CDC42BPA: variants seen among roughly 807,000 people sequenced by gnomAD.
The protein encoded by CDC42BPA is serine/threonine-protein kinase MRCK alpha.
Under a neutral mutation model 223.5 loss-of-function variants are expected in CDC42BPA, and 80 were observed. The ratio of observed to expected loss-of-function variants is 0.36; its 90% confidence interval spans 0.30 to 0.43. The LOEUF is 0.43. Ranked by LOEUF, CDC42BPA falls within the 20% of genes least tolerant of loss-of-function variation. The pLI, the probability that CDC42BPA is intolerant of heterozygous loss-of-function variation, is 1.00. For synonymous variants in CDC42BPA, 694 were observed against 718.6 expected (o/e 0.97, Z 0.55); for missense variants, 1,743 against 2,099.9 (o/e 0.83, Z 3.32).
At chr1:227,115,732 C>CA (rs1416013179) in intron 12 of CDC42BPA, among the ~76,000 whole-genome samples, 1 of 151,430 alleles carries the variant, frequency 6.6e-6, no homozygotes, top group Non-Finnish European at 1.5e-5. Flanking sequence ...TAGAAGTCAA[C>CA]AAAAAAAGAT....
intron 7 of CDC42BPA, 37 bp downstream of exon 7, chr1:227,147,322 T>C: frequency 6.8e-7 from 1 of 1,465,764 alleles, no homozygotes; most frequent in Non-Finnish European, 9.4e-7. Context: ...ATGTGTTATT[T>C]ACCACATTAA....
intron 23 of CDC42BPA, among the ~76,000 whole-genome samples, chr1:227,045,639 T>A (rs1435145523): frequency 6.6e-6 from 1 of 152,158 alleles, no homozygotes; most frequent in East Asian, 1.9e-4. Context: ...TTCTACCTGA[T>A]TTTTTGCAAT....
chr1:227,141,178 A>C (rs764902117), intron 9 of CDC42BPA, among the ~76,000 whole-genome samples: 34 of 152,246 alleles, frequency 2.2e-4, no homozygotes, highest in Non-Finnish European at 3.4e-4. Context: ...GTTTGCATGA[A>C]GTGATGGGGG....
chr1:227,085,610 C>T (rs1681696162), intron 16 of CDC42BPA, among the ~76,000 whole-genome samples: 3 of 152,174 alleles, frequency 2.0e-5, no homozygotes, highest in Admixed American at 2.0e-4. Context: ...GGCAAAACAA[C>T]AACAACAAAT....
At position 227,219,994 on chromosome 1, in the gene CDC42BPA, C is replaced by T. The variant is rs547165534; in HGVS notation, c.271-6775G>A. Among the ~76,000 whole-genome samples the T allele has an allele frequency of 4.6e-5, 7 of 152,164 alleles. No individual in the cohort carries two copies. In the South Asian group the frequency reaches 1.2e-3, roughly 27 times the overall value. ...AAAAAAAATTTAAAAAGACACCTCA[C>T]ACTAAATCTCAAATATTATCAGTCA... On this transcript the variant is annotated intron_variant, in intron 2 of 36. Transcript: ENST00000366766.
rs61703280 is a variant in CDC42BPA, at chr1:227,034,814, G to GACAA, written c.3337-24_3337-21dup. The GACAA allele has an allele frequency of 1, 1,572,137 of 1,574,452 alleles. 784,942 individuals are homozygous for GACAA. The highest frequency in any genetic ancestry group is 1 in the East Asian group (44,199 of 44,202). On this transcript the variant is annotated intron_variant, in intron 25 of 36. Coordinates refer to ENST00000366766, the MANE Select transcript of CDC42BPA (RefSeq NM_001394014.1). ...AGGAATCTTAGTTTTGTTTTAGACA[G>GACAA]ACAAACAGCCAAAACAACTCAAATG...
Position 226,994,897 on chromosome 1 carries a change from G to T in CDC42BPA, c.5059C>A (p.Pro1687Thr), listed in dbSNP as rs772385104. 2.7e-5 allele frequency: 44 copies of T among 1,613,238 alleles called. 1 individual carries two copies. The highest frequency in any genetic ancestry group is 1.7e-4 in the Middle Eastern group (1 of 6,060). The change falls in exon 36 of 37, where the codon CCG becomes ACG. Residue 1687 changes from proline (P) to threonine (T), a missense_variant. Transcript: ENST00000366766. The surrounding 1 kb of genome is among the most constrained non-coding windows in gnomAD (Gnocchi z 4.0). ...CCAGAGGACAAAGAGCCCTCTGACG[G>T]GGAGGGCATGGGCTGCCGCTTGGCA... Reference protein sequence around the residue: ...YSAKRQPMPSPSEGSLSSGGM... With the variant: ...YSAKRQPMPSTSEGSLSSGGM...
At chr1:227,271,929 C>T (rs1048721763) in intron 1 of CDC42BPA, among the ~76,000 whole-genome samples, 2 of 151,994 alleles carry the variant, frequency 1.3e-5, no homozygotes, top group African/African-American at 4.8e-5. Context: ...AAAATAGCTT[C>T]CTAGAAGATA....
At chr1:227,309,466 C>A (rs1008831092) in intron 1 of CDC42BPA, among the ~76,000 whole-genome samples, 8 of 152,126 alleles carry the variant, frequency 5.3e-5, no homozygotes, top group African/African-American at 1.9e-4. Flanking sequence ...AGAAACACAG[C>A]GCTTCATGGA....
At chr1:227,038,371 G>T (rs11802565) in intron 24 of CDC42BPA, among the ~76,000 whole-genome samples, 4,562 of 152,272 alleles carry the variant, frequency 0.03, 204 homozygotes, top group African/African-American at 0.1. Context: ...TATTAGCAAT[G>T]TGAGAAGAGA....
chr1:227,075,863 T>C (rs1163028146), intron 17 of CDC42BPA, among the ~76,000 whole-genome samples: 1 of 152,218 alleles, frequency 6.6e-6, no homozygotes, highest in Non-Finnish European at 1.5e-5. Context: ...TATGCACATT[T>C]CCAAGAAACT....
intron 1 of CDC42BPA, among the ~76,000 whole-genome samples, chr1:227,294,133 G>A (rs1200762380): frequency 1.3e-5 from 2 of 151,626 alleles, no homozygotes; most frequent in Non-Finnish European, 2.9e-5. Flanking sequence ...TTAGCTGGGC[G>A]TGGTGGCAGG....
rs1226909425 is a variant in CDC42BPA at position 226,994,336 on chromosome 1, G to C, written c.5197C>G (p.Pro1733Ala). The change falls in exon 37 of 37, where the codon CCA becomes GCA. Residue 1733 changes from proline (P) to alanine (A), a missense_variant. Pro to Ala is a conservative substitution (Grantham distance 27). This residue lies in a region of CDC42BPA where 200 missense variants were observed against 192.8 expected (regional missense o/e 1.04). Coordinates refer to ENST00000366766, the MANE Select transcript of CDC42BPA (RefSeq NM_001394014.1). This position sits in a 1 kb window ranked among gnomAD's most constrained non-coding sequence, Gnocchi z 4.0. The part of the protein sequence containing the change: ...NSSNLSSPPS[P>A]ASPRKTKSLS... ...CTCTTGGTTTTTCGGGGTGAAGCTG[G>C]GCTTGGGGGGCTGCTTAGGTTGGAA... is the stretch of plus-strand genomic sequence containing the variant. The C allele has an allele frequency of 6.3e-7, 1 of 1,597,598 alleles. No homozygotes were observed. The highest frequency in any genetic ancestry group is 8.5e-7 in the Non-Finnish European group (1 of 1,170,678).
At chr1:227,238,109 T>C (rs544601769) in intron 2 of CDC42BPA, among the ~76,000 whole-genome samples, 1 of 151,074 alleles carries the variant, frequency 6.6e-6, no homozygotes, top group South Asian at 2.1e-4. Flanking sequence ...TCCCAACACT[T>C]TGGGAGGCAT....
intron 15 of CDC42BPA, among the ~76,000 whole-genome samples, chr1:227,096,468 C>A (rs1558487867): frequency 6.6e-6 from 1 of 152,190 alleles, no homozygotes; most frequent in Non-Finnish European, 1.5e-5. Flanking sequence ...TCTGTAACTA[C>A]TTTTTCATCG....
intron 1 of CDC42BPA, among the ~76,000 whole-genome samples, chr1:227,303,960 A>C (rs1360223389): frequency 3.3e-5 from 5 of 152,184 alleles, no homozygotes; most frequent in South Asian, 4.1e-4. Context: ...TAATCTAAGA[A>C]CTTTTACCTT....
At chr1:227,115,057 C>T (rs1021432042) in intron 12 of CDC42BPA, among the ~76,000 whole-genome samples, 1 of 152,046 alleles carries the variant, frequency 6.6e-6, no homozygotes, top group African/African-American at 2.4e-5. Context: ...GAGACTGCTG[C>T]ACAAGAATGT....
At chr1:227,227,201 T>C (rs1677009050) in intron 2 of CDC42BPA, among the ~76,000 whole-genome samples, 1 of 152,024 alleles carries the variant, frequency 6.6e-6, no homozygotes, top group Non-Finnish European at 1.5e-5. Flanking sequence ...CTTTCATATT[T>C]TTCAAGAAAA....
intron 1 of CDC42BPA, among the ~76,000 whole-genome samples, chr1:227,309,258 G>A (rs1358162128): frequency 3.3e-5 from 5 of 150,708 alleles, no homozygotes; most frequent in African/African-American, 4.9e-5. Context: ...CCTATATGCT[G>A]TCTGTCTTTA....
Sources: allele counts gnomAD v4.1 joint callset (sites outside exome capture counted in the v4.1 genomes callset), GRCh38; gene constraint gnomAD v4.1.1; regional missense constraint gnomAD v4.1.1; non-coding constraint Gnocchi (gnomAD v3.1); transcripts MANE v1.5; gene names NCBI Gene and HGNC (gene_info 2026-07-23, HGNC 2026-07-21).